The following FMN1 variants were observed in gnomAD, a reference collection of about 807,000 sequenced individuals.
FMN1 encodes the protein formin 1.
Under a neutral mutation model 132.4 loss-of-function variants are expected in FMN1, and 110 were observed. The observed-to-expected ratio is 0.83, with a 90% CI of 0.71 to 0.97. FMN1 has a LOEUF of 0.97. Among genes scored for constraint, FMN1 ranks in the 50% least tolerant of loss-of-function variants. The pLI is 0.00. For synonymous variants in FMN1, 722 were observed against 651.7 expected (o/e 1.11, Z -1.64); for missense variants, 1,792 against 1,705.3 (o/e 1.05, Z -0.90).
At chr15:33,082,755 G>C (rs2038533407) in intron 5 of FMN1, among the ~76,000 whole-genome samples, 1 of 152,022 alleles carries the variant, frequency 6.6e-6, no homozygotes, top group African/African-American at 2.4e-5. Context: ...GGGCGCTCCG[G>C]GGTGACTGAT....
rs368113761 is a variant in FMN1, at chr15:32,926,210, A to T, written c.3190T>A (p.Ser1064Thr). Residue 1064 changes from serine to threonine, a missense_variant, in exon 10 of 21, where the codon TCT becomes ACT. By Grantham distance (58) the Ser-to-Thr change is moderately conservative. Around this residue, in one of 3 missense-constraint regions of FMN1, gnomAD observed 1,150 missense variants for 1,043.1 expected, o/e 1.10. Transcript: ENST00000616417. ...TCCTTCATTTCTAAATGTAAACTAG[A>T]TATCAAGATTCCCACAGTTTGAGAT... ...KRSQTVGILI[S>T]SLHLEMKDIQ... is the part of the protein sequence containing the mutation. 7.7e-6 allele frequency: 12 copies of T among 1,563,504 alleles called. No homozygotes were observed. Among genetic ancestry groups the T allele is most frequent in the Non-Finnish European group, 1.0e-5 (12 of 1,152,936 alleles).
At chr15:32,935,238 GAT>G (rs1218084780) in intron 9 of FMN1, among the ~76,000 whole-genome samples, 9 of 151,924 alleles carry the variant, frequency 5.9e-5, no homozygotes, top group Admixed American at 5.2e-4. Context: ...AGTTTTTCTA[GAT>G]ATAGTTTTCT....
intron 4 of FMN1, among the ~76,000 whole-genome samples, chr15:33,112,291 A>G (rs2039738346): frequency 3.2e-5 from 1 of 31,282 alleles, no homozygotes; most frequent in Non-Finnish European, 5.6e-5. Context: ...GCAGTGCATA[A>G]AACAAAATAT....
chr15:32,913,420 C>T (rs370512310), intron 10 of FMN1, among the ~76,000 whole-genome samples: 1 of 152,112 alleles, frequency 6.6e-6, no homozygotes, highest in Non-Finnish European at 1.5e-5. Context: ...AACTCCTTGG[C>T]CTGGTTGTTA....
At chr15:32,880,817 T>A (rs893827251) in intron 16 of FMN1, among the ~76,000 whole-genome samples, 8 of 152,218 alleles carry the variant, frequency 5.3e-5, no homozygotes, top group African/African-American at 1.9e-4. Flanking sequence ...GTGTAATCCA[T>A]CCCCACATCC....
chr15:33,120,853 A>AT lies in FMN1; in HGVS notation c.1868-31880dup, dbSNP rs1566933961. Among the ~76,000 whole-genome samples, 7 of 151,924 alleles carry AT rather than the reference A, an allele frequency of 4.6e-5. 1 individual carries two copies. The highest frequency in any genetic ancestry group is 1.9e-4 in the East Asian group (1 of 5,198). On this transcript the variant is annotated intron_variant, in intron 4 of 20. Coordinates refer to ENST00000616417, the MANE Select transcript of FMN1 (RefSeq NM_001277313.2). The stretch of plus-strand genomic sequence containing the variant: ...AGTATTTCTTTTGAATCTACTTTCC[A>AT]TTTTTTTACAAGCTCTCCAGGACTC...
intron 6 of FMN1, among the ~76,000 whole-genome samples, chr15:33,042,227 G>A (rs1041491798): frequency 3.9e-5 from 6 of 152,092 alleles, no homozygotes; most frequent in Admixed American, 3.3e-4. Flanking sequence ...AGAAGAAAAT[G>A]GTACAAGTTT....
At chr15:33,073,495 T>C (rs1223418218) in intron 5 of FMN1, among the ~76,000 whole-genome samples, 1 of 152,110 alleles carries the variant, frequency 6.6e-6, no homozygotes, top group African/African-American at 2.4e-5. Flanking sequence ...AAGATATGGG[T>C]AGGTTAATGG....
chr15:33,129,987 G>A (rs1963467195), intron 4 of FMN1, among the ~76,000 whole-genome samples: 1 of 151,956 alleles, frequency 6.6e-6, no homozygotes, highest in South Asian at 2.1e-4. Flanking sequence ...TAGAGACGGG[G>A]TTTCACCATG....
chr15:33,072,832 A>T (rs1385976370), intron 5 of FMN1, among the ~76,000 whole-genome samples: 1 of 151,766 alleles, frequency 6.6e-6, no homozygotes, highest in Non-Finnish European at 1.5e-5. Context: ...CTGAGGGAGG[A>T]GAATCACTTG....
chr15:32,982,025 A>T (rs2032715883), intron 7 of FMN1, among the ~76,000 whole-genome samples: 1 of 152,188 alleles, frequency 6.6e-6, no homozygotes, highest in South Asian at 2.1e-4. Context: ...GAATTCAGTT[A>T]AAACAAAAAT....
At chr15:32,951,070 T>G (rs2061640715) in intron 9 of FMN1, among the ~76,000 whole-genome samples, 1 of 152,176 alleles carries the variant, frequency 6.6e-6, no homozygotes, top group Non-Finnish European at 1.5e-5. Context: ...GTATGAAAGT[T>G]AATGCAGTCT....
At chr15:33,172,207 CAA>C (rs375714453) in intron 3 of FMN1, among the ~76,000 whole-genome samples, 7 of 101,074 alleles carry the variant, frequency 6.9e-5, no homozygotes, top group Admixed American at 1.0e-4. Flanking sequence ...GACTCCGTCT[CAA>C]AAAAAAAAAA....
intron 4 of FMN1, among the ~76,000 whole-genome samples, chr15:33,125,684 C>T (rs1962990717): frequency 7.1e-6 from 1 of 140,146 alleles, no homozygotes; most frequent in Non-Finnish European, 1.5e-5. Flanking sequence ...TACTAAAATA[C>T]AAAAATTAGT....
At chr15:33,103,058 CA>C (rs1452115627) in intron 4 of FMN1, among the ~76,000 whole-genome samples, 1 of 152,102 alleles carries the variant, frequency 6.6e-6, no homozygotes, top group Non-Finnish European at 1.5e-5. Flanking sequence ...GGCACTCCAG[CA>C]TCTGACACAG....
intron 4 of FMN1, among the ~76,000 whole-genome samples, chr15:33,135,610 G>T (rs1347979670): frequency 6.6e-6 from 1 of 152,224 alleles, no homozygotes. Context: ...CCTCGTGCCA[G>T]AGGTTAGTGA....
chr15:33,153,080 G>A lies in FMN1; in HGVS notation c.1835C>T (p.Thr612Ile), dbSNP rs1239757913. Residue 612 changes from threonine to isoleucine, a missense_variant, in exon 4 of 21, where the codon ACC (threonine) becomes ATC (isoleucine). Physicochemically the swap from Thr to Ile is moderately conservative, Grantham distance 89. Coordinates refer to ENST00000616417, the MANE Select transcript of FMN1 (RefSeq NM_001277313.2). ...TGACTGGTGCTGGGGCTCAGCTGTG[G>A]TCTTCCCTGGCCCCAAGCTCTTTTC... ...TLEKSLGPGK[T>I]TAEPQHQSPP... 3 of 1,534,204 alleles carry A rather than the reference G, an allele frequency of 2.0e-6. No homozygotes were observed. The highest frequency in any genetic ancestry group is 2.6e-6 in the Non-Finnish European group (3 of 1,146,132).
chr15:33,168,012 A>G (rs946008516), intron 3 of FMN1, among the ~76,000 whole-genome samples: 1 of 152,184 alleles, frequency 6.6e-6, no homozygotes, highest in Non-Finnish European at 1.5e-5. Flanking sequence ...GGATCCACTA[A>G]GATCAAACCC....
intron 16 of FMN1, among the ~76,000 whole-genome samples, chr15:32,862,898 AC>A (rs1430666074): frequency 1.3e-5 from 2 of 152,164 alleles, no homozygotes; most frequent in Non-Finnish European, 2.9e-5. Context: ...CCTAAGTCTT[AC>A]CCCACCCTTC....
Sources: gnomAD v4.1 joint callset for allele counts (sites outside exome capture counted in the v4.1 genomes callset) on GRCh38, gnomAD v4.1.1 for gene constraint, gnomAD v4.1.1 regional missense constraint, MANE v1.5 for transcripts, NCBI Gene and HGNC (gene_info 2026-07-23, HGNC 2026-07-21) for gene names.